Variants in TCTN1 observed in about 807,000 individuals in gnomAD.
The protein encoded by TCTN1 is tectonic-1.
In TCTN1, 58 loss-of-function variants were observed where a neutral mutation model predicts 65.8. The ratio of observed to expected loss-of-function variants is 0.88; its 90% confidence interval spans 0.71 to 1.10. The LOEUF (loss-of-function observed/expected upper bound fraction) is 1.10, where lower values mean the gene tolerates loss of function less well. TCTN1 is among the 50% of genes least tolerant of loss of function. TCTN1 has a pLI of 0.00. For synonymous variants in TCTN1, 273 were observed against 289.1 expected (o/e 0.94, Z 0.57); for missense variants, 645 against 719.4 (o/e 0.90, Z 1.18).
chr12:110,648,516 G>A (rs965357413), intron 14 of TCTN1, among the ~76,000 whole-genome samples: 26 of 152,228 alleles, frequency 1.7e-4, no homozygotes, highest in African/African-American at 6.0e-4. Flanking sequence ...CCTGCTTTGA[G>A]TTATTTATTT....
At chr12:110,628,588 G>A (rs1308657987) in intron 3 of TCTN1, among the ~76,000 whole-genome samples, 179 bp from the exon 4 acceptor site, 2 of 152,044 alleles carry the variant, frequency 1.3e-5, no homozygotes, top group Admixed American at 6.6e-5. Context: ...CAGTCCGCCC[G>A]CCTTGGCCTC....
chr12:110,631,824 A>G (rs2066257126), intron 4 of TCTN1, among the ~76,000 whole-genome samples: 1 of 152,224 alleles, frequency 6.6e-6, no homozygotes, highest in Non-Finnish European at 1.5e-5. Flanking sequence ...AGTTTGGTAA[A>G]AATGAATGGA....
chr12:110,645,026 G>A lies in TCTN1; in HGVS notation c.1391G>A (p.Gly464Asp), dbSNP rs1314364318. ...CAGAAGGTGAAGAGCCTGCTGTGGG[G>A]CCAGGGCTTCCCAGATTACGTGGCC... is the stretch of plus-strand genomic sequence containing the variant. ...VAQKVKSLLW[G>D]QGFPDYVAPF... Residue 464 changes from glycine to aspartate, a missense_variant, in exon 12 of 15, where the codon GGC (glycine) becomes GAC (aspartate). Transcript: ENST00000397659. 6.2e-7 allele frequency: 1 copy of A among 1,614,100 alleles called. No homozygotes were observed. Among genetic ancestry groups the A allele is most frequent in the Non-Finnish European group, 8.5e-7 (1 of 1,180,038 alleles).
chr12:110,619,709 A>T (rs1362477470), intron 1 of TCTN1, 127 bp from the exon 2 acceptor site: 1 of 1,471,420 alleles, frequency 6.8e-7, no homozygotes, highest in Admixed American at 1.9e-5. Flanking sequence ...AATTTCCCCC[A>T]AAGTGCAATA....
At position 110,616,240 on chromosome 12, in the gene TCTN1, T is replaced by C. The variant is rs1322827647; in HGVS notation, c.220+1838T>C. 6.7e-6 allele frequency: 3 copies of C among 448,766 alleles called. No homozygotes were observed. The Admixed American group carries it at 7.2e-5, about 11-fold the overall frequency. 27.8% of individuals were successfully genotyped at this position (448,766 alleles called of 1,614,324 possible). On this transcript the variant is annotated intron_variant, in intron 1 of 14. Transcript: ENST00000397659. ...CCAGTATAGGGGATGAATTTGTGCT[T>C]GTCCTCACACTTTATTTTTTTTTTT...
At chr12:110,629,030 T>C (rs2066045106) in intron 4 of TCTN1, 112 bp downstream of exon 4, 1 of 1,255,244 alleles carries the variant, frequency 8.0e-7, no homozygotes, top group Non-Finnish European at 1.1e-6. Flanking sequence ...GTTGATATTA[T>C]AGACTAAAAA....
chr12:110,615,772 C>G (rs941424928), intron 1 of TCTN1, among the ~76,000 whole-genome samples: 2 of 152,190 alleles, frequency 1.3e-5, no homozygotes, highest in African/African-American at 2.4e-5. Flanking sequence ...GTGTAAACAA[C>G]TGTGCCCAGC....
chr12:110,643,389 C>G (rs920581215), intron 11 of TCTN1: 1 of 152,082 alleles, frequency 6.6e-6, no homozygotes, highest in Non-Finnish European at 1.5e-5. Context: ...AACAGCGCTG[C>G]GCAGCTTGTT....
At position 110,639,387 on chromosome 12, in the gene TCTN1, TTGTC is replaced by T. The variant is rs2066799894; in HGVS notation, c.844-992_844-989del. ...GCTTCCCTGGTGCTGCTGAAAATGT[TTGTC>T]TGTGTCTGTTTTTTGTTGCTCATAA... On this transcript the variant is annotated intron_variant, in intron 7 of 14. Coordinates refer to ENST00000397659, the MANE Select transcript of TCTN1 (RefSeq NM_001082538.3). The surrounding 1 kb of genome is among the most constrained non-coding windows in gnomAD (Gnocchi z 4.9). Among the ~76,000 whole-genome samples the T allele has an allele frequency of 6.6e-6, 1 of 152,138 alleles. No individual in the cohort carries two copies. Among genetic ancestry groups the T allele is most frequent in the Non-Finnish European group, 1.5e-5 (1 of 68,006 alleles).
intron 2 of TCTN1, among the ~76,000 whole-genome samples, chr12:110,622,071 G>C (rs2065466994): frequency 6.6e-6 from 1 of 151,948 alleles, no homozygotes; most frequent in Admixed American, 6.6e-5. Context: ...CTGGGAGGCA[G>C]AGGTTGCAGG....
chr12:110,632,342 C>T lies in TCTN1; in HGVS notation c.625-130C>T, dbSNP rs943520943. The T allele has an allele frequency of 2.8e-5, 25 of 878,932 alleles. 1 individual carries two copies. The African/African-American group carries it at 3.3e-4, about 12-fold the overall frequency. The allele number at this position is 878,932 out of a possible 1,614,324, so 54.4% of individuals were successfully genotyped here. ...ATGTGAGCTTCTTGAGGGCAAGGAC[C>T]ACATCTGTTTTTTGCTCATCAGTGT... On this transcript the variant is annotated intron_variant, in intron 4 of 14. Transcript: ENST00000397659.
chr12:110,642,473 C>T (rs2067021774), intron 11 of TCTN1, 84 bp downstream of exon 11: 1 of 1,591,416 alleles, frequency 6.3e-7, no homozygotes, highest in Non-Finnish European at 8.6e-7. Flanking sequence ...AATCAAATCT[C>T]TGCATCAGCT....
intron 1 of TCTN1, among the ~76,000 whole-genome samples, chr12:110,617,601 C>G (rs1209494826): frequency 6.6e-6 from 1 of 151,502 alleles, no homozygotes; most frequent in Non-Finnish European, 1.5e-5. Flanking sequence ...TGCTAGGATA[C>G]AGGCGTGAGC....
chr12:110,627,388 T>C (rs950618421), intron 3 of TCTN1, among the ~76,000 whole-genome samples: 1 of 152,298 alleles, frequency 6.6e-6, no homozygotes, highest in East Asian at 1.9e-4. Flanking sequence ...TGAGCTGCCT[T>C]GTCCAGCCCT....
chr12:110,644,119 G>C lies in TCTN1; in HGVS notation c.1332-848G>C, dbSNP rs2067144593. ...ACACCAAATTAAAGTTAAAACAATG[G>C]TTCCTTCCTGTATTACTCATCAGAG... On this transcript the variant is annotated intron_variant, in intron 11 of 14. Coordinates refer to ENST00000397659, the MANE Select transcript of TCTN1 (RefSeq NM_001082538.3). The surrounding 1 kb of genome is among the most constrained non-coding windows in gnomAD (Gnocchi z 4.6). 6.6e-6 allele frequency: 1 copy of C among 152,176 alleles called. No homozygotes were observed. The highest frequency in any genetic ancestry group is 1.5e-5 in the Non-Finnish European group (1 of 68,054). 9.4% of individuals were successfully genotyped at this position (152,176 alleles called of 1,614,324 possible).
At position 110,626,480 on chromosome 12, in the gene TCTN1, C is replaced by A; in HGVS notation, c.460C>A (p.His154Asn). 6.2e-7 allele frequency: 1 copy of A among 1,612,332 alleles called. No individual in the cohort carries two copies. The highest frequency in any genetic ancestry group is 1.1e-5 in the South Asian group (1 of 90,940). ...GATTAATCCATCTATTTTCTGCATT[C>A]ATATTACAAACTGTAAGTATTTGAC... ...DQINPSIFCI[H>N]ITNYKPALSF... Residue 154 changes from histidine to asparagine, a missense_variant, in exon 3 of 15, where the codon CAT (histidine) becomes AAT (asparagine). By Grantham distance (68) the His-to-Asn change is moderately conservative. Coordinates refer to ENST00000397659, the MANE Select transcript of TCTN1 (RefSeq NM_001082538.3).
At chr12:110,621,955 T>C (rs1432314600) in intron 2 of TCTN1, among the ~76,000 whole-genome samples, 1 of 151,450 alleles carries the variant, frequency 6.6e-6, no homozygotes, top group Middle Eastern at 3.2e-3. Flanking sequence ...CTGGCCAAGA[T>C]AGTGAAACCC....
At chr12:110,624,993 C>T (rs1180911784) in intron 2 of TCTN1, among the ~76,000 whole-genome samples, 3 of 152,176 alleles carry the variant, frequency 2.0e-5, no homozygotes, top group African/African-American at 7.2e-5. Context: ...TGTGCCTGGC[C>T]CTGTACCATA....
At chr12:110,620,095 C>T (rs1314906070) in intron 2 of TCTN1, 139 bp downstream of exon 2, 1 of 1,304,546 alleles carries the variant, frequency 7.7e-7, no homozygotes, top group African/African-American at 1.5e-5. Flanking sequence ...CCATACCGTC[C>T]AAACAAATAT....
Sources: allele counts gnomAD v4.1 joint callset (sites outside exome capture counted in the v4.1 genomes callset), GRCh38; gene constraint gnomAD v4.1.1; non-coding constraint Gnocchi (gnomAD v3.1); transcripts MANE v1.5; gene names NCBI Gene and HGNC (gene_info 2026-07-23, HGNC 2026-07-21).